PCDH9: variants seen among roughly 807,000 people sequenced by gnomAD.
PCDH9 encodes the protein protocadherin 9.
PCDH9 carries 24 observed loss-of-function variants against 70.6 expected under a neutral mutation model. The ratio of observed to expected loss-of-function variants is 0.34; its 90% CI spans 0.25 to 0.48. The LOEUF is 0.48. Among genes scored for constraint, PCDH9 ranks in the 20% least tolerant of loss-of-function variants. The pLI is 0.99. For synonymous variants in PCDH9, 562 were observed against 558.5 expected (o/e 1.01, Z -0.09); for missense variants, 1,281 against 1,503.6 (o/e 0.85, Z 2.45).
At chr13:66,515,986 T>A (rs906967391) in intron 4 of PCDH9, among the ~76,000 whole-genome samples, 1 of 152,042 alleles carries the variant, frequency 6.6e-6, no homozygotes, top group Non-Finnish European at 1.5e-5. Flanking sequence ...CTTTCTCCCA[T>A]ACCCATTGGC....
At chr13:66,767,363 CG>C (rs1331061870) in intron 3 of PCDH9, among the ~76,000 whole-genome samples, 7 of 152,194 alleles carry the variant, frequency 4.6e-5, no homozygotes, top group Middle Eastern at 3.4e-3. Context: ...AATATCCTGG[CG>C]ATTTACTTTT....
intron 2 of PCDH9, among the ~76,000 whole-genome samples, chr13:66,989,592 TTA>T (rs2083961393): frequency 1.3e-5 from 2 of 151,884 alleles, no homozygotes; most frequent in Non-Finnish European, 2.9e-5. Flanking sequence ...CTCAACCTCT[TTA>T]CCAGGAAGAC....
chr13:67,042,945 T>C (rs2085151240), intron 2 of PCDH9, among the ~76,000 whole-genome samples: 1 of 151,972 alleles, frequency 6.6e-6, no homozygotes, highest in African/African-American at 2.4e-5. Flanking sequence ...AAGTTTGCCA[T>C]ACAAAACAAT....
At chr13:66,626,607 T>A (rs1394925235) in intron 4 of PCDH9, among the ~76,000 whole-genome samples, 2 of 152,162 alleles carry the variant, frequency 1.3e-5, no homozygotes, top group Non-Finnish European at 2.9e-5. Flanking sequence ...AGAACCGAAG[T>A]TTCTGTCATA....
At chr13:66,726,127 A>AAG (rs1263266200) in intron 3 of PCDH9, among the ~76,000 whole-genome samples, 1 of 151,772 alleles carries the variant, frequency 6.6e-6, no homozygotes, top group Admixed American at 6.6e-5. Flanking sequence ...TGTTAAAAGG[A>AAG]AGAGAGAGAG....
intron 4 of PCDH9, among the ~76,000 whole-genome samples, chr13:66,599,819 A>C (rs2138841461): frequency 6.6e-6 from 1 of 151,978 alleles, no homozygotes; most frequent in East Asian, 1.9e-4. Context: ...ACTAGAGGAA[A>C]GTAATGCCAG....
chr13:66,930,521 T>A (rs1035397092), intron 2 of PCDH9, among the ~76,000 whole-genome samples: 1 of 152,124 alleles, frequency 6.6e-6, no homozygotes, highest in African/African-American at 2.4e-5. Context: ...TGAAGAAGTA[T>A]GAGCATGAAA....
chr13:66,487,103 A>G (rs1958956816), intron 4 of PCDH9, among the ~76,000 whole-genome samples: 1 of 152,250 alleles, frequency 6.6e-6, no homozygotes, highest in African/African-American at 2.4e-5. Flanking sequence ...CTTTGATAGT[A>G]ATATATCAAA....
intron 4 of PCDH9, among the ~76,000 whole-genome samples, chr13:66,439,292 G>A (rs1295437800): frequency 6.6e-6 from 1 of 152,048 alleles, no homozygotes; most frequent in Non-Finnish European, 1.5e-5. Context: ...ATGTATTTTG[G>A]CATTTGTTAT....
intron 3 of PCDH9, among the ~76,000 whole-genome samples, chr13:66,762,674 G>A (rs1442011): frequency 0.027 from 4,115 of 151,892 alleles, 197 homozygotes; most frequent in African/African-American, 0.091. Context: ...TTGATGTTTT[G>A]GTTGGGAGAA....
At chr13:66,331,491 G>A (rs1045375263) in intron 4 of PCDH9, among the ~76,000 whole-genome samples, 12 of 152,080 alleles carry the variant, frequency 7.9e-5, no homozygotes, top group African/African-American at 2.9e-4. Context: ...CGTGCATTAA[G>A]GAATTATCAT....
chr13:66,872,549 G>T (rs1433026947), intron 3 of PCDH9, among the ~76,000 whole-genome samples: 58 of 151,754 alleles, frequency 3.8e-4, no homozygotes, highest in Admixed American at 3.8e-3. Context: ...ACAGCACGAA[G>T]AAATTTTATT....
chr13:66,700,532 A>C (rs1317066671), intron 3 of PCDH9, among the ~76,000 whole-genome samples: 1 of 152,176 alleles, frequency 6.6e-6, no homozygotes, highest in Non-Finnish European at 1.5e-5. Context: ...GCAAGCTCTG[A>C]AAAGACCACA....
intron 3 of PCDH9, among the ~76,000 whole-genome samples, chr13:66,741,875 C>T (rs1478561194): frequency 1.4e-5 from 2 of 145,454 alleles, no homozygotes; most frequent in African/African-American, 5.3e-5. Flanking sequence ...ATTCCATGCT[C>T]ATGGGTAGGA....
chr13:66,336,380 T>C (rs555927509), intron 4 of PCDH9, among the ~76,000 whole-genome samples: 1 of 152,098 alleles, frequency 6.6e-6, no homozygotes, highest in East Asian at 1.9e-4. Context: ...ACCTGATGTA[T>C]CCTATGTTAT....
intron 2 of PCDH9, among the ~76,000 whole-genome samples, chr13:67,116,558 T>TA (rs932101150): frequency 4.0e-5 from 6 of 151,800 alleles, no homozygotes; most frequent in African/African-American, 9.7e-5. Context: ...TCAACTTGAA[T>TA]AAAAAAAAAT....
chr13:67,034,088 G>A (rs939522353), intron 2 of PCDH9, among the ~76,000 whole-genome samples: 3 of 152,032 alleles, frequency 2.0e-5, no homozygotes, highest in South Asian at 4.1e-4. Flanking sequence ...AGGTTCAAGC[G>A]ATTCTCCTGC....
At chr13:66,599,658 A>T (rs371120260) in intron 4 of PCDH9, among the ~76,000 whole-genome samples, 2 of 151,740 alleles carry the variant, frequency 1.3e-5, no homozygotes, top group East Asian at 3.9e-4. Flanking sequence ...GTTAAATTGA[A>T]ATAGCTTTGA....
chr13:67,181,379 A>C (rs2088611055), intron 2 of PCDH9, among the ~76,000 whole-genome samples: 1 of 152,194 alleles, frequency 6.6e-6, no homozygotes, highest in Non-Finnish European at 1.5e-5. Flanking sequence ...GCGATTTCAT[A>C]AGCCGTAGAG....
Sources: allele counts gnomAD v4.1 joint callset (sites outside exome capture counted in the v4.1 genomes callset), GRCh38; gene constraint gnomAD v4.1.1; transcripts MANE v1.5; gene names NCBI Gene and HGNC (gene_info 2026-07-23, HGNC 2026-07-21).